C1orf94: variants seen among roughly 807,000 people sequenced by gnomAD.
C1orf94 encodes chromosome 1 open reading frame 94, also known as uncharacterized protein C1orf94.
In C1orf94, 45 loss-of-function variants were observed where a neutral mutation model predicts 53.6. The ratio of observed to expected loss-of-function variants is 0.84; its 90% CI spans 0.66 to 1.08. C1orf94 has a LOEUF of 1.08. Among genes scored for constraint, C1orf94 ranks in the 50% least tolerant of loss-of-function variants. The pLI is 0.00. For synonymous variants in C1orf94, 304 were observed against 296.1 expected (o/e 1.03, Z -0.27); for missense variants, 762 against 738.9 (o/e 1.03, Z -0.36).
chr1:34,216,767 T>C (rs2148624832), intron 6 of C1orf94, among the ~76,000 whole-genome samples: 1 of 152,084 alleles, frequency 6.6e-6, no homozygotes, highest in Admixed American at 6.5e-5. Context: ...AATTTGAGAG[T>C]TAAAAGGAGT....
chr1:34,218,540 C>G, intron 6 of C1orf94, 146 bp from the exon 7 acceptor site: 1 of 489,172 alleles, frequency 2.0e-6, no homozygotes, highest in Non-Finnish European at 3.5e-6. Context: ...AGGGCCAAAG[C>G]CTTTCTTATG....
intron 4 of C1orf94, among the ~76,000 whole-genome samples, chr1:34,205,838 A>C (rs115939444): frequency 0.012 from 1,754 of 152,242 alleles, 36 homozygotes; most frequent in African/African-American, 0.04. Flanking sequence ...CAAAGTCCCC[A>C]ACACCGAGGA....
upstream of C1orf94, among the ~76,000 whole-genome samples, chr1:34,176,293 T>G (rs1642224855): frequency 6.6e-6 from 1 of 152,172 alleles, no homozygotes. Flanking sequence ...TCCACCCTCT[T>G]GCTTTTCCTT....
chr1:34,186,257 A>G (rs906568533), intron 1 of C1orf94, among the ~76,000 whole-genome samples: 3 of 152,284 alleles, frequency 2.0e-5, no homozygotes, highest in South Asian at 4.2e-4. Context: ...TATTTTCCTC[A>G]TCTGAAAAAA....
At chr1:34,191,904 G>C (rs1478931) in intron 1 of C1orf94, among the ~76,000 whole-genome samples, 1 of 152,002 alleles carries the variant, frequency 6.6e-6, no homozygotes, top group Non-Finnish European at 1.5e-5. Context: ...TACCACAAAT[G>C]CAGAAATAAT....
intron 1 of C1orf94, among the ~76,000 whole-genome samples, chr1:34,178,592 C>A (rs1251364263): frequency 6.6e-6 from 1 of 152,170 alleles, no homozygotes; most frequent in Admixed American, 6.5e-5. Flanking sequence ...GAGCACACAT[C>A]AAAATATTTA....
chr1:34,218,753 A>C lies in C1orf94; in HGVS notation c.1789A>C (p.Asn597His). Residue 597 changes from asparagine to histidine, a missense_variant, in exon 7 of 7, where the codon AAC (asparagine) becomes CAC (histidine). Coordinates refer to ENST00000488417, the MANE Select transcript of C1orf94 (RefSeq NM_001134734.2). Reference sequence around the variant, plus strand: ...TTTTTCTTCCAGTGGGAATGGCATAAACTTTTAGATCTCCTCTTCTCCCTT... The same window carrying C: ...TTTTTCTTCCAGTGGGAATGGCATACACTTTTAGATCTCCTCTTCTCCCTT... Reference protein sequence around the residue: ...PYFSSSGNGINF With the variant: ...PYFSSSGNGIHF 1 of 1,612,308 alleles carries C rather than the reference A, an allele frequency of 6.2e-7. No individual in the cohort carries two copies. The highest frequency in any genetic ancestry group is 1.1e-5 in the South Asian group (1 of 90,786).
At position 34,208,216 on chromosome 1, in the gene C1orf94, G is replaced by A. The variant is rs757924582; in HGVS notation, c.1506G>A (p.Leu502=). Residue 502 remains leucine, a synonymous_variant, in exon 5 of 7, where the codon CTG becomes CTA. Transcript: ENST00000488417. ...MPYQQALHPQ[L]GCYSQQVMPY... ...ATCAGCAGGCTTTGCACCCGCAGCT[G>A]GGATGTTACTCCCAACAGGTGAGTA... 9.9e-6 allele frequency: 16 copies of A among 1,613,984 alleles called. No individual in the cohort carries two copies. Among genetic ancestry groups the A allele is most frequent in the Non-Finnish European group, 1.4e-5 (16 of 1,179,976 alleles).
chr1:34,199,745 T>C (rs1179779300), intron 2 of C1orf94, among the ~76,000 whole-genome samples: 2 of 152,212 alleles, frequency 1.3e-5, no homozygotes, highest in African/African-American at 4.8e-5. Flanking sequence ...GCTCAGTCTC[T>C]TTAGTGAGAA....
chr1:34,198,235 G>A (rs1177897783), intron 2 of C1orf94, among the ~76,000 whole-genome samples: 2 of 152,246 alleles, frequency 1.3e-5, no homozygotes, highest in Admixed American at 6.5e-5. Flanking sequence ...ATTGAAGGAA[G>A]TGTTTACCCT....
intron 1 of C1orf94, among the ~76,000 whole-genome samples, chr1:34,196,437 C>T (rs1642582055): frequency 6.6e-6 from 1 of 152,118 alleles, no homozygotes; most frequent in East Asian, 1.9e-4. Context: ...GAAGGGAGGC[C>T]CAGTCCAGAG....
In C1orf94 at chr1:34,193,225, C is replaced by A. The variant is rs1460696122; in HGVS notation, c.321-4000C>A. ...CAGTGATGGGGATGATTTATTCCCC[C>A]AAAATGTTGATCCAGGATTACTGTC... On this transcript the variant is annotated intron_variant, in intron 1 of 6. Transcript: ENST00000488417. Among the ~76,000 whole-genome samples, 4 of 152,032 alleles carry A rather than the reference C, an allele frequency of 2.6e-5. No individual in the cohort carries two copies. The South Asian group carries it at 8.3e-4, about 32-fold the overall frequency.
chr1:34,167,813 G>C (rs1642072923), intron 1 of C1orf94, among the ~76,000 whole-genome samples: 2 of 152,020 alleles, frequency 1.3e-5, no homozygotes, highest in Middle Eastern at 3.2e-3. Flanking sequence ...TCCTGGACTT[G>C]GGGGATCAGA....
chr1:34,191,203 T>C (rs1379436584), intron 1 of C1orf94, among the ~76,000 whole-genome samples: 1 of 152,154 alleles, frequency 6.6e-6, no homozygotes, highest in African/African-American at 2.4e-5. Context: ...TGTGATAAAA[T>C]GGGGGCCATT....
chr1:34,172,827 G>A (rs1642168019), upstream of C1orf94, among the ~76,000 whole-genome samples: 1 of 152,248 alleles, frequency 6.6e-6, no homozygotes, highest in Non-Finnish European at 1.5e-5. Context: ...ATGAAACATG[G>A]CTGCAACCTC....
chr1:34,200,269 T>A (rs1030275691), intron 2 of C1orf94, among the ~76,000 whole-genome samples: 4 of 152,204 alleles, frequency 2.6e-5, no homozygotes, highest in Admixed American at 2.6e-4. Flanking sequence ...AGGCAGGAAC[T>A]GTGTCCACAA....
chr1:34,218,765 T>G lies in C1orf94; in HGVS notation c.*4T>G. ...TGGGAATGGCATAAACTTTTAGATC[T>G]CCTCTTCTCCCTTCTCCTCCCTTAG... On this transcript the variant is annotated 3_prime_UTR_variant, in exon 7 of 7. Transcript: ENST00000488417. 6.2e-7 allele frequency: 1 copy of G among 1,610,512 alleles called. No homozygotes were observed. Among genetic ancestry groups the G allele is most frequent in the Non-Finnish European group, 8.5e-7 (1 of 1,177,516 alleles).
intron 3 of C1orf94, among the ~76,000 whole-genome samples, chr1:34,201,811 C>T (rs552584180): frequency 5.3e-4 from 81 of 152,232 alleles, no homozygotes; most frequent in African/African-American, 1.8e-3. Context: ...TATTGTATTC[C>T]CTTGCTAAAT....
At chr1:34,194,161 A>C in intron 1 of C1orf94, among the ~76,000 whole-genome samples, 1 of 152,242 alleles carries the variant, frequency 6.6e-6, no homozygotes, top group East Asian at 1.9e-4. Flanking sequence ...ATATGGGTGC[A>C]TCGTAACTAA....
Sources: gnomAD v4.1 joint callset for allele counts (sites outside exome capture counted in the v4.1 genomes callset) on GRCh38, gnomAD v4.1.1 for gene constraint, MANE v1.5 for transcripts, NCBI Gene and HGNC (gene_info 2026-07-23, HGNC 2026-07-21) for gene names.